MITF: variants seen among roughly 807,000 people sequenced by gnomAD.
The protein encoded by MITF is melanocyte inducing transcription factor.
MITF carries 17 observed loss-of-function variants against 60.5 expected under a neutral mutation model. That is an observed-to-expected ratio of 0.28 (90% CI 0.19 to 0.42). The LOEUF is 0.42. MITF is among the 10% of genes least tolerant of loss of function. The pLI is 1.00. For missense variants in MITF, 622 were observed against 683.5 expected, an observed-to-expected ratio of 0.91 and a Z score of 1.00; for synonymous variants, 260 against 248.5, an observed-to-expected ratio of 1.05 and a Z score of -0.43.
At chr3:69,746,711 A>G (rs1703740329) in intron 1 of MITF, among the ~76,000 whole-genome samples, 4 of 152,210 alleles carry the variant, frequency 2.6e-5, no homozygotes, top group Admixed American at 2.6e-4. Flanking sequence ...TTTGCAGTTT[A>G]TAAGAAGGTT....
In MITF at chr3:69,964,654, A is replaced by T. The variant is rs569298368; in HGVS notation, c.1180-193A>T. Among the ~76,000 whole-genome samples, 34 of 81,374 alleles carry T rather than the reference A, an allele frequency of 4.2e-4. 8 individuals carry two copies. The highest frequency in any genetic ancestry group is 1.8e-3 in the African/African-American group (34 of 19,214). 53.4% of individuals were successfully genotyped at this position (81,374 alleles called of 152,430 possible). A position where few individuals can be genotyped will look rare whatever the true frequency, so the allele number is the denominator to read the frequency against. On this transcript the variant is annotated intron_variant, in intron 9 of 9. Transcript: ENST00000352241. ...AGTGGCACATTTATTAGAATCAATG[A>T]ACCCGCAGTGACATTTCATTATCCT...
At chr3:69,742,922 C>A (rs941979001) in intron 1 of MITF, among the ~76,000 whole-genome samples, 1 of 152,156 alleles carries the variant, frequency 6.6e-6, no homozygotes, top group Non-Finnish European at 1.5e-5. Flanking sequence ...TCCCATAGGG[C>A]TTATATTATA....
intron 1 of MITF, among the ~76,000 whole-genome samples, chr3:69,851,815 A>C (rs1167513634): frequency 1.3e-5 from 2 of 152,222 alleles, no homozygotes; most frequent in Non-Finnish European, 2.9e-5. Flanking sequence ...AAGAATAAAA[A>C]AGGAGATGAA....
At chr3:69,841,127 C>T (rs1033402709) in intron 1 of MITF, among the ~76,000 whole-genome samples, 6 of 152,188 alleles carry the variant, frequency 3.9e-5, no homozygotes, top group Admixed American at 1.3e-4. Context: ...GAATGACAGA[C>T]ATATTTCACC....
At chr3:69,820,962 TAAATG>T (rs2063260659) in intron 1 of MITF, among the ~76,000 whole-genome samples, 1 of 152,124 alleles carries the variant, frequency 6.6e-6, no homozygotes, top group Non-Finnish European at 1.5e-5. Flanking sequence ...GGAAAAAAGT[TAAATG>T]AGATTTTCCA....
At chr3:69,763,959 C>A (rs1242943214) in intron 1 of MITF, 2 of 1,344,154 alleles carry the variant, frequency 1.5e-6, no homozygotes, top group Non-Finnish European at 2.0e-6. Context: ...CAGATGATAA[C>A]CAAAGTACCT....
rs980449653 is a variant in MITF, at chr3:69,876,991, C to T, written c.105-2143C>T. Reference sequence around the variant, plus strand: ...GTTCTATTCTCACCCTGGCAACTATCGTGATCTTTGGACATTCCCTACTAA... The same window carrying T: ...GTTCTATTCTCACCCTGGCAACTATTGTGATCTTTGGACATTCCCTACTAA... On this transcript the variant is annotated intron_variant, in intron 1 of 9. Transcript: ENST00000352241. Among the ~76,000 whole-genome samples the T allele has an allele frequency of 5.3e-5, 8 of 152,152 alleles. No homozygotes were observed. In the South Asian group the frequency reaches 8.3e-4, roughly 16 times the overall value.
At chr3:69,833,808 G>T (rs547553025) in intron 1 of MITF, among the ~76,000 whole-genome samples, 4 of 152,308 alleles carry the variant, frequency 2.6e-5, no homozygotes, top group African/African-American at 9.6e-5. Context: ...CACTGTATAT[G>T]GTTGCTTCCC....
Position 69,864,492 on chromosome 3 carries a change from C to T in MITF, c.105-14642C>T, listed in dbSNP as rs193003720. On this transcript the variant is annotated intron_variant, in intron 1 of 9. Coordinates refer to ENST00000352241, the MANE Select transcript of MITF (RefSeq NM_001354604.2). The stretch of plus-strand genomic sequence containing the variant: ...AATCTGCCCACTTTTCTCCACTTTG[C>T]ACATCTGCCCTTCCCATGAGCTACC... Among the ~76,000 whole-genome samples, 17 of 152,312 alleles carry T rather than the reference C, an allele frequency of 1.1e-4. No individual in the cohort carries two copies. In the East Asian group the frequency reaches 3.1e-3, roughly 28 times the overall value.
At chr3:69,961,928 C>T (rs901102829) in intron 9 of MITF, among the ~76,000 whole-genome samples, 3 of 152,126 alleles carry the variant, frequency 2.0e-5, no homozygotes, top group Non-Finnish European at 2.9e-5. Flanking sequence ...CTTCCAGTGA[C>T]GGTGTGAGGC....
intron 1 of MITF, chr3:69,763,901 A>G (rs1173140132): frequency 7.3e-7 from 1 of 1,377,186 alleles, no homozygotes; most frequent in East Asian, 3.5e-5. Context: ...CTCTCTGTGA[A>G]AAGGAAACCA....
intron 1 of MITF, among the ~76,000 whole-genome samples, chr3:69,768,698 T>C (rs977087247): frequency 2.0e-5 from 3 of 152,196 alleles, no homozygotes; most frequent in African/African-American, 7.2e-5. Flanking sequence ...TTTAAAGTGA[T>C]GTTTTGGTAC....
At chr3:69,890,690 C>T (rs1302090272) in intron 2 of MITF, among the ~76,000 whole-genome samples, 1 of 152,068 alleles carries the variant, frequency 6.6e-6, no homozygotes, top group East Asian at 1.9e-4. Context: ...TGCAATGAAA[C>T]AGTTCTTTAG....
intron 2 of MITF, among the ~76,000 whole-genome samples, chr3:69,893,237 G>A (rs570048080): frequency 4.9e-4 from 75 of 152,258 alleles, no homozygotes; most frequent in Middle Eastern, 3.4e-3. Context: ...GCACTGGATC[G>A]TGAACCTTGT....
intron 1 of MITF, among the ~76,000 whole-genome samples, chr3:69,770,859 A>G (rs1158847143): frequency 6.6e-6 from 1 of 152,198 alleles, no homozygotes; most frequent in African/African-American, 2.4e-5. Context: ...GTTTCTTTGA[A>G]GGTAATATGT....
intron 2 of MITF, among the ~76,000 whole-genome samples, chr3:69,888,886 A>C (rs111549377): frequency 6.6e-6 from 1 of 152,170 alleles, no homozygotes; most frequent in African/African-American, 2.4e-5. Flanking sequence ...GAACAAATTT[A>C]AAACAAAAAA....
chr3:69,859,831 A>G (rs1184665379), intron 1 of MITF, among the ~76,000 whole-genome samples: 4 of 152,156 alleles, frequency 2.6e-5, no homozygotes, highest in Non-Finnish European at 5.9e-5. Context: ...TTTTTAAATG[A>G]GTAAAGAGTT....
intron 1 of MITF, among the ~76,000 whole-genome samples, chr3:69,853,968 C>T (rs1211932478): frequency 6.6e-6 from 1 of 150,902 alleles, no homozygotes; most frequent in African/African-American, 2.4e-5. Context: ...TCAAGTGACT[C>T]TCCTGCCAGT....
chr3:69,832,587 T>G (rs1334453532), intron 1 of MITF, among the ~76,000 whole-genome samples: 1 of 152,244 alleles, frequency 6.6e-6, no homozygotes, highest in African/African-American at 2.4e-5. Flanking sequence ...TAGCTTGCTG[T>G]TTTCCTATGA....
Sources: allele counts gnomAD v4.1 joint callset (sites outside exome capture counted in the v4.1 genomes callset), GRCh38; gene constraint gnomAD v4.1.1; transcripts MANE v1.5; gene names NCBI Gene and HGNC (gene_info 2026-07-23, HGNC 2026-07-21).